FARSA: variants seen among roughly 807,000 people sequenced by gnomAD.
FARSA encodes the protein phenylalanine--tRNA ligase alpha subunit.
A neutral mutation model predicts 63.2 loss-of-function variants in FARSA; 37 were observed. The observed-to-expected ratio is 0.59, with a 90% CI of 0.45 to 0.77. The LOEUF (loss-of-function observed/expected upper bound fraction) is 0.77, where lower values mean the gene tolerates loss of function less well. Ranked by LOEUF, FARSA falls within the 30% of genes least tolerant of loss-of-function variation. The probability of loss-of-function intolerance (pLI) is 0.00; values close to 1 mark genes in which losing one functional copy is unlikely to be tolerated. For synonymous variants in FARSA, 312 were observed against 285.1 expected (o/e 1.09, Z -0.95); for missense variants, 618 against 696.6 (o/e 0.89, Z 1.27).
intron 7 of FARSA, 149 bp downstream of exon 7, chr19:12,928,193 C>T (rs1294495764): frequency 3.2e-6 from 2 of 623,072 alleles, no homozygotes; most frequent in Non-Finnish European, 5.6e-6. Context: ...AATCCTCCTG[C>T]CTTGGCCTCC....
rs886226782 is a variant in FARSA at position 12,924,302 on chromosome 19, T to A, written c.1274-37A>T. The A allele has an allele frequency of 3.2e-6, 5 of 1,586,890 alleles. No individual in the cohort carries two copies. Among genetic ancestry groups the A allele is most frequent in the Non-Finnish European group, 4.3e-6 (5 of 1,156,060 alleles). ...GGACAGAAAAGACGGGCAGTGCGTG[T>A]TGAGTTTCTGGGCACTGCTGGTACA... On this transcript the variant is annotated intron_variant, in intron 11 of 12. Transcript: ENST00000314606. This position sits in a 1 kb window ranked among gnomAD's most constrained non-coding sequence, Gnocchi z 6.4.
chr19:12,928,053 C>T (rs1166032877), intron 7 of FARSA, among the ~76,000 whole-genome samples: 3 of 142,996 alleles, frequency 2.1e-5, no homozygotes, highest in Non-Finnish European at 3.0e-5. Context: ...AAAAAGACTG[C>T]AGGTGGCATA....
At chr19:12,930,075 C>G (rs570541617) in intron 4 of FARSA, 148 bp downstream of exon 4, 16 of 682,236 alleles carry the variant, frequency 2.3e-5, no homozygotes, top group African/African-American at 5.3e-5. Flanking sequence ...CCCCAAGGCA[C>G]GTAGGCTTGA....
chr19:12,928,023 CAA>C (rs34586259), intron 7 of FARSA, among the ~76,000 whole-genome samples: 118 of 73,390 alleles, frequency 1.6e-3, no homozygotes, highest in African/African-American at 5.0e-3. Context: ...GACCCTGTCT[CAA>C]AAAAAAAAAA....
rs1182814290 is a variant in FARSA, at chr19:12,924,112, AG to A, written c.1388+38del. 6.6e-7 allele frequency: 1 copy of A among 1,510,044 alleles called. No homozygotes were observed. 93.5% of individuals were successfully genotyped at this position (1,510,044 alleles called of 1,614,324 possible). On this transcript the variant is annotated intron_variant, in intron 12 of 12. Coordinates refer to ENST00000314606, the MANE Select transcript of FARSA (RefSeq NM_004461.3). The surrounding 1 kb of genome is among the most constrained non-coding windows in gnomAD (Gnocchi z 6.4). ...GCCCCTATACCTGGAGAGTTATTTGAGGCAGCTGGACACCCCGAGTTTCCAC... is the reference window on the plus strand; with the variant it reads ...GCCCCTATACCTGGAGAGTTATTTGAGCAGCTGGACACCCCGAGTTTCCAC...
Position 12,924,142 on chromosome 19 carries a change from G to A in FARSA, c.1388+9C>T. On this transcript the variant is annotated intron_variant, in intron 12 of 12. Transcript: ENST00000314606. This position sits in a 1 kb window ranked among gnomAD's most constrained non-coding sequence, Gnocchi z 6.4. ...GCTGGACACCCCGAGTTTCCACTTG[G>A]GCACTTACCGCTCCAGGGAGAGGCC... The A allele has an allele frequency of 1.2e-6, 2 of 1,610,988 alleles. No individual in the cohort carries two copies. Among genetic ancestry groups the A allele is most frequent in the South Asian group, 1.1e-5 (1 of 91,012 alleles).
Position 12,924,933 on chromosome 19 carries a change from C to T in FARSA, c.997G>A (p.Ala333Thr), listed in dbSNP as rs1971309157. The T allele has an allele frequency of 3.1e-6, 5 of 1,614,234 alleles. No individual in the cohort carries two copies. Among genetic ancestry groups the T allele is most frequent in the East Asian group, 2.2e-5 (1 of 44,888 alleles). Residue 333 changes from alanine to threonine, a missense_variant, in exon 9 of 13, where the codon GCC (alanine) becomes ACC (threonine). Ala to Thr is a moderately conservative substitution (Grantham distance 58). Coordinates refer to ENST00000314606, the MANE Select transcript of FARSA (RefSeq NM_004461.3). This position sits in a 1 kb window ranked among gnomAD's most constrained non-coding sequence, Gnocchi z 6.4. ...LLRTHTTSASARALYRLAQKK... is the reference protein window; with the variant it reads ...LLRTHTTSASTRALYRLAQKK... ...TGGGCAAGGCGGTAGAGCGCACGGGCGCTGGCTGATGTGGTGTGGGTTCGC... is the reference window on the plus strand; with the variant it reads ...TGGGCAAGGCGGTAGAGCGCACGGGTGCTGGCTGATGTGGTGTGGGTTCGC...
intron 1 of FARSA, among the ~76,000 whole-genome samples, chr19:12,932,501 G>C (rs1345305822): frequency 1.3e-5 from 2 of 152,108 alleles, no homozygotes; most frequent in South Asian, 4.1e-4. Flanking sequence ...TGAGGACTAT[G>C]GGCTCTGCAG....
Position 12,930,652 on chromosome 19 carries a change from C to A in FARSA, c.245G>T (p.Arg82Leu). 6.2e-7 allele frequency: 1 copy of A among 1,613,596 alleles called. No homozygotes were observed. The highest frequency in any genetic ancestry group is 8.5e-7 in the Non-Finnish European group (1 of 1,179,736). ...REGSHEARVF[R>L]SIPPEGLAQS... is the part of the protein sequence containing the mutation. ...GGCCAGGCCCTCTGGGGGAATGCTT[C>A]GAAACACACGGGCCTCATGGCTGCC... The change falls in exon 2 of 13, where the codon CGA (arginine) becomes CTA (leucine). Residue 82 changes from arginine to leucine, a missense_variant. Transcript: ENST00000314606.
At chr19:12,930,956 A>G (rs1465366093) in intron 1 of FARSA, among the ~76,000 whole-genome samples, 1 of 152,242 alleles carries the variant, frequency 6.6e-6, no homozygotes, top group African/African-American at 2.4e-5. Context: ...CAGGGGTAGT[A>G]ATAATGATAG....
intron 1 of FARSA, among the ~76,000 whole-genome samples, chr19:12,932,071 C>T (rs938623019): frequency 6.8e-6 from 1 of 146,018 alleles, no homozygotes; most frequent in African/African-American, 2.5e-5. Context: ...CGGAGTCTCG[C>T]TCTGTCGCCC....
chr19:12,924,176 T>C lies in FARSA; in HGVS notation c.1363A>G (p.Ile455Val). The C allele has an allele frequency of 6.2e-7, 1 of 1,614,144 alleles. No individual in the cohort carries two copies. Among genetic ancestry groups the C allele is most frequent in the Middle Eastern group, 1.6e-4 (1 of 6,062 alleles). Residue 455 changes from isoleucine to valine, a missense_variant, in exon 12 of 13, where the codon ATT (isoleucine) becomes GTT (valine). Physicochemically the swap from Ile to Val is conservative, Grantham distance 29. Coordinates refer to ENST00000314606, the MANE Select transcript of FARSA (RefSeq NM_004461.3). This position sits in a 1 kb window ranked among gnomAD's most constrained non-coding sequence, Gnocchi z 6.4. Reference protein sequence around the residue: ...PMGLPENVSVIAWGLSLERPT... With the variant: ...PMGLPENVSVVAWGLSLERPT... ...CGCTCCAGGGAGAGGCCCCAGGCAA[T>C]GACCGACACGTTCTCGGGAAGCCCC...
Position 12,928,276 on chromosome 19 carries a change from C to A in FARSA, c.841+66G>T, listed in dbSNP as rs1971349957. On this transcript the variant is annotated intron_variant, in intron 7 of 12. Coordinates refer to ENST00000314606, the MANE Select transcript of FARSA (RefSeq NM_004461.3). Reference sequence around the variant, plus strand: ...TAATTTGATCAAATGGGATGCCCATCCTGTAAAGGCTCCGCCGTGGCCTGG... The same window carrying A: ...TAATTTGATCAAATGGGATGCCCATACTGTAAAGGCTCCGCCGTGGCCTGG... The A allele has an allele frequency of 2.3e-6, 3 of 1,289,346 alleles. No homozygotes were observed. In the East Asian group the frequency reaches 6.9e-5, roughly 30 times the overall value. The allele number at this position is 1,289,346 out of a possible 1,614,324, so 79.9% of individuals were successfully genotyped here.
Position 12,924,290 on chromosome 19 carries a change from G to A in FARSA, c.1274-25C>T, listed in dbSNP as rs775911571. The A allele has an allele frequency of 5.3e-5, 85 of 1,600,022 alleles. No homozygotes were observed. The highest frequency in any genetic ancestry group is 7.0e-5 in the Non-Finnish European group (82 of 1,167,638). ...CCTGCAGAGGCAGGACAGAAAAGAC[G>A]GGCAGTGCGTGTTGAGTTTCTGGGC... On this transcript the variant is annotated intron_variant, in intron 11 of 12. Coordinates refer to ENST00000314606, the MANE Select transcript of FARSA (RefSeq NM_004461.3). This position sits in a 1 kb window ranked among gnomAD's most constrained non-coding sequence, Gnocchi z 6.4.
chr19:12,924,239 T>A lies in FARSA; in HGVS notation c.1300A>T (p.Asn434Tyr). Residue 434 changes from asparagine to tyrosine, a missense_variant, in exon 12 of 13, where the codon AAC becomes TAC. Asn to Tyr is a moderately radical substitution (Grantham distance 143). Coordinates refer to ENST00000314606, the MANE Select transcript of FARSA (RefSeq NM_004461.3). This position sits in a 1 kb window ranked among gnomAD's most constrained non-coding sequence, Gnocchi z 6.4. ...QGLKKWVEVG[N>Y]SGVFRPEMLL... ...ATCTCTGGACGGAAGACCCCCGAGT[T>A]TCCGACCTCCACCCACTTCTTCAGG... 6 of 1,614,064 alleles carry A rather than the reference T, an allele frequency of 3.7e-6. No homozygotes were observed. Among genetic ancestry groups the A allele is most frequent in the Non-Finnish European group, 5.1e-6 (6 of 1,180,012 alleles).
Position 12,930,656 on chromosome 19 carries a change from A to G in FARSA, c.241T>C (p.Phe81Leu). The G allele has an allele frequency of 1.2e-6, 2 of 1,613,812 alleles. No individual in the cohort carries two copies. Among genetic ancestry groups the G allele is most frequent in the Non-Finnish European group, 1.7e-6 (2 of 1,179,882 alleles). Residue 81 changes from phenylalanine (F) to leucine (L), a missense_variant, in exon 2 of 13, where the codon TTT (phenylalanine) becomes CTT (leucine). Phe to Leu is a conservative substitution (Grantham distance 22). Coordinates refer to ENST00000314606, the MANE Select transcript of FARSA (RefSeq NM_004461.3). Reference sequence around the variant, plus strand: ...AGGCCCTCTGGGGGAATGCTTCGAAACACACGGGCCTCATGGCTGCCCTCC... The same window carrying G: ...AGGCCCTCTGGGGGAATGCTTCGAAGCACACGGGCCTCATGGCTGCCCTCC... ...AREGSHEARVFRSIPPEGLAQ... is the reference protein window; with the variant it reads ...AREGSHEARVLRSIPPEGLAQ...
In FARSA at chr19:12,928,587, G is replaced by A; in HGVS notation, c.673C>T (p.His225Tyr). ...TGGGAGCGGACCTTGAGCAGCGGGT[G>A]AAGGTGGCCGCTGTCGGGGAGGACA... ...HGVLPDSGHL[H>Y]PLLKVRSQFR... The change falls in exon 6 of 13, where the codon CAC becomes TAC. Residue 225 changes from histidine to tyrosine, a missense_variant. Physicochemically the swap from His to Tyr is moderately conservative, Grantham distance 83 (BLOSUM62 2). Coordinates refer to ENST00000314606, the MANE Select transcript of FARSA (RefSeq NM_004461.3). The A allele has an allele frequency of 1.2e-6, 2 of 1,613,622 alleles. No homozygotes were observed. The highest frequency in any genetic ancestry group is 1.1e-5 in the South Asian group (1 of 91,014).
In FARSA at chr19:12,930,281, C is replaced by T; in HGVS notation, c.445G>A (p.Glu149Lys). The change falls in exon 4 of 13, where the codon GAG (glutamate) becomes AAG (lysine). Residue 149 changes from glutamate (E) to lysine (K), a missense_variant. Physicochemically the swap from Glu to Lys is moderately conservative, Grantham distance 56 (BLOSUM62 1). Transcript: ENST00000314606. ...CTCCTCTCCTTCTCCCCCAGCTTCT[C>T]AGCCTGTCCCCCCCGGACCAGCTGG... The part of the protein sequence containing the change: ...RLQLVRGGQA[E>K]KLGEKERSEL... The T allele has an allele frequency of 6.2e-7, 1 of 1,614,146 alleles. No individual in the cohort carries two copies. The highest frequency in any genetic ancestry group is 8.5e-7 in the Non-Finnish European group (1 of 1,180,020).
chr19:12,922,540 C>T lies in FARSA; in HGVS notation c.*208G>A, dbSNP rs1161986649. 8.0e-6 allele frequency: 5 copies of T among 625,800 alleles called. No individual in the cohort carries two copies. In the Admixed American group the frequency reaches 1.5e-4, roughly 19 times the overall value. The allele number at this position is 625,800 out of a possible 1,614,324, so 38.8% of individuals were successfully genotyped here. On this transcript the variant is annotated 3_prime_UTR_variant, in exon 13 of 13. Coordinates refer to ENST00000314606, the MANE Select transcript of FARSA (RefSeq NM_004461.3). ...CCCACAGGTCTCCTCAGGGCCCACC[C>T]TCACAGTAGACACACCACACAGGAC...
Sources: allele counts gnomAD v4.1 joint callset (sites outside exome capture counted in the v4.1 genomes callset), GRCh38; gene constraint gnomAD v4.1.1; non-coding constraint Gnocchi (gnomAD v3.1); transcripts MANE v1.5; gene names NCBI Gene and HGNC (gene_info 2026-07-23, HGNC 2026-07-21).